The following NPEPPS variants were observed in gnomAD, a reference collection of about 807,000 sequenced individuals.
The protein encoded by NPEPPS is aminopeptidase puromycin sensitive.
Under a neutral mutation model 115.5 loss-of-function variants are expected in NPEPPS, and 14 were observed. That is an observed-to-expected ratio of 0.12 (90% CI 0.08 to 0.19). The LOEUF (loss-of-function observed/expected upper bound fraction) is 0.19, where lower values mean the gene tolerates loss of function less well. Ranked by LOEUF, NPEPPS falls within the 10% of genes least tolerant of loss-of-function variation. The pLI is 1.00. For missense variants in NPEPPS, 523 were observed against 1,110.8 expected (o/e 0.47, Z 7.52); for synonymous variants, 285 against 390.6 (o/e 0.73, Z 3.19).
rs1911725422 is a variant in NPEPPS at position 47,579,463 on chromosome 17, T to C, written c.492T>C (p.Tyr164=). Residue 164 remains tyrosine (Y), a synonymous_variant, in exon 4 of 23, where the codon TAT becomes TAC. Transcript: ENST00000322157. ...TGAAAGGTTTCTATAGAAGTAAATATACTACCCCTTCTGGAGAGGTGCGCT... is the reference window on the plus strand; with the variant it reads ...TGAAAGGTTTCTATAGAAGTAAATACACTACCCCTTCTGGAGAGGTGCGCT... ...DKMKGFYRSK[Y]TTPSGEVRYA... 12 of 1,612,684 alleles carry C rather than the reference T, an allele frequency of 7.4e-6. No homozygotes were observed. Among genetic ancestry groups the C allele is most frequent in the South Asian group, 2.2e-5 (2 of 90,984 alleles).
chr17:47,596,036 C>T (rs1335515709), intron 12 of NPEPPS: 1 of 185,002 alleles, frequency 5.4e-6, no homozygotes, highest in Non-Finnish European at 1.1e-5. Context: ...ACCTGTAGTC[C>T]CAGCTACTCA....
At chr17:47,524,146 A>C (rs1310887001) in intron 1 of NPEPPS, among the ~76,000 whole-genome samples, 1 of 151,762 alleles carries the variant, frequency 6.6e-6, no homozygotes, top group East Asian at 1.9e-4. Context: ...TCTCTACTAA[A>C]AATACAAAAA....
chr17:47,572,697 A>G (rs1478678046), intron 3 of NPEPPS, among the ~76,000 whole-genome samples: 1 of 152,210 alleles, frequency 6.6e-6, no homozygotes, highest in Non-Finnish European at 1.5e-5. Context: ...TAGAAAACAG[A>G]AAAATAGATT....
intron 2 of NPEPPS, among the ~76,000 whole-genome samples, chr17:47,549,973 C>T: frequency 6.7e-6 from 1 of 148,564 alleles, no homozygotes; most frequent in African/African-American, 2.5e-5. Flanking sequence ...CTCGCTCTGT[C>T]ACCCAGGCTG....
chr17:47,565,505 CAAAAAAAAAAAA>C (rs1172238090), intron 2 of NPEPPS, among the ~76,000 whole-genome samples: 2 of 64,524 alleles, frequency 3.1e-5, no homozygotes, highest in Admixed American at 3.7e-4. Context: ...GACTCCATCT[CAAAAAAAAAAAA>C]AAAAAAAAAA....
At chr17:47,608,410 C>T (rs550405609) in intron 17 of NPEPPS, among the ~76,000 whole-genome samples, 5 of 148,232 alleles carry the variant, frequency 3.4e-5, no homozygotes, top group East Asian at 2.0e-4. Flanking sequence ...GCCGAGATTG[C>T]GCCATTGCGC....
intron 12 of NPEPPS, 154 bp downstream of exon 12, chr17:47,592,699 T>C: frequency 1.6e-6 from 1 of 620,448 alleles, no homozygotes; most frequent in Non-Finnish European, 2.7e-6. Flanking sequence ...TGAATATCTC[T>C]AATCTCAAAA....
chr17:47,561,103 A>G (rs1472261436), intron 2 of NPEPPS, among the ~76,000 whole-genome samples: 1 of 152,214 alleles, frequency 6.6e-6, no homozygotes, highest in Non-Finnish European at 1.5e-5. Context: ...ATAAGCAATA[A>G]TGATTTCGGC....
At chr17:47,536,110 C>CAGGCGTGAGCCACCGTGCCCA (rs1285554590) in intron 1 of NPEPPS, among the ~76,000 whole-genome samples, 1 of 152,058 alleles carries the variant, frequency 6.6e-6, no homozygotes, top group Admixed American at 6.5e-5. Context: ...GTTGGGATTA[C>CAGGCGTGAGCCACCGTGCCCA]AGGCGTGAGC....
At position 47,621,801 on chromosome 17, in the gene NPEPPS, G is replaced by C; in HGVS notation, c.2641G>C (p.Glu881Gln). Residue 881 changes from glutamate to glutamine, a missense_variant, in exon 23 of 23, where the codon GAG becomes CAG. By Grantham distance (29) the Glu-to-Gln change is conservative. Around this residue, in one of 4 missense-constraint regions of NPEPPS, gnomAD observed 372 missense variants for 542.6 expected, o/e 0.69. Coordinates refer to ENST00000322157, the MANE Select transcript of NPEPPS (RefSeq NM_006310.4). ...CGAGAGTCACCCAGCTCCTTCAGCT[G>C]AGCGTACCATCCAGCAGTGTTGTGA... ...FFESHPAPSA[E>Q]RTIQQCCENI... is the part of the protein sequence containing the mutation. 3 of 1,612,978 alleles carry C rather than the reference G, an allele frequency of 1.9e-6. No individual in the cohort carries two copies. The highest frequency in any genetic ancestry group is 2.5e-6 in the Non-Finnish European group (3 of 1,179,068).
At chr17:47,588,564 C>CA (rs143068684) in intron 9 of NPEPPS, among the ~76,000 whole-genome samples, 124 of 132,682 alleles carry the variant, frequency 9.3e-4, no homozygotes, top group East Asian at 6.2e-3. Flanking sequence ...AACTCCATCT[C>CA]AAAAAAAAAA....
At chr17:47,575,558 T>A (rs1174619752) in intron 3 of NPEPPS, among the ~76,000 whole-genome samples, 20 of 149,128 alleles carry the variant, frequency 1.3e-4, no homozygotes, top group Non-Finnish European at 2.5e-4. Flanking sequence ...AGAAAAATTA[T>A]CTTGCAGGTG....
chr17:47,532,901 CTGTT>C (rs973135747), intron 1 of NPEPPS, among the ~76,000 whole-genome samples: 15 of 152,020 alleles, frequency 9.9e-5, no homozygotes, highest in Admixed American at 2.0e-4. Context: ...AAAATGGGAA[CTGTT>C]TGATAGTTAT....
intron 5 of NPEPPS, among the ~76,000 whole-genome samples, chr17:47,583,138 A>G (rs1041134742): frequency 4.0e-5 from 6 of 151,370 alleles, no homozygotes; most frequent in African/African-American, 1.5e-4. Context: ...ATGAGCCACC[A>G]TGCCCAGCCA....
chr17:47,578,077 C>G (rs1213723294), intron 3 of NPEPPS, among the ~76,000 whole-genome samples: 1 of 151,760 alleles, frequency 6.6e-6, no homozygotes, highest in African/African-American at 2.4e-5. Flanking sequence ...TGGTGATGCC[C>G]GCCTGTAGTC....
chr17:47,590,408 C>T (rs1912428525), intron 9 of NPEPPS, among the ~76,000 whole-genome samples: 1 of 151,194 alleles, frequency 6.6e-6, no homozygotes, highest in Non-Finnish European at 1.5e-5. Context: ...TCTGTAATCC[C>T]AGCTACTGGT....
chr17:47,551,024 C>T lies in NPEPPS; in HGVS notation c.340+5031C>T, dbSNP rs534956360. On this transcript the variant is annotated intron_variant, in intron 2 of 22. Coordinates refer to ENST00000322157, the MANE Select transcript of NPEPPS (RefSeq NM_006310.4). ...GACTATTTAGCTTTGTTACAGAAGTCAGTATCAGTTTCTTGTTATAAGACA... is the reference window on the plus strand; with the variant it reads ...GACTATTTAGCTTTGTTACAGAAGTTAGTATCAGTTTCTTGTTATAAGACA... Among the ~76,000 whole-genome samples the T allele has an allele frequency of 2.6e-3, 400 of 152,304 alleles. 1 individual carries two copies. The highest frequency in any genetic ancestry group is 4.1e-3 in the Non-Finnish European group (276 of 68,028).
rs1239328687 is a variant in NPEPPS at position 47,547,214 on chromosome 17, T to C, written c.340+1221T>C. On this transcript the variant is annotated intron_variant, in intron 2 of 22. Coordinates refer to ENST00000322157, the MANE Select transcript of NPEPPS (RefSeq NM_006310.4). Reference sequence around the variant, plus strand: ...AGTGTCTATAAAATGAGAACTGTTTTAGACCTTATAATTTTAGTATGAAAG... The same window carrying C: ...AGTGTCTATAAAATGAGAACTGTTTCAGACCTTATAATTTTAGTATGAAAG... Among the ~76,000 whole-genome samples the C allele has an allele frequency of 2.6e-5, 4 of 152,210 alleles. No homozygotes were observed. The East Asian group carries it at 7.7e-4, about 29-fold the overall frequency.
intron 18 of NPEPPS, among the ~76,000 whole-genome samples, chr17:47,613,170 T>C (rs1449593080): frequency 6.6e-6 from 1 of 152,078 alleles, no homozygotes; most frequent in Admixed American, 6.6e-5. Flanking sequence ...GCTCTGCTGG[T>C]ACAACATGCC....
Sources: allele counts gnomAD v4.1 joint callset (sites outside exome capture counted in the v4.1 genomes callset), GRCh38; gene constraint gnomAD v4.1.1; regional missense constraint gnomAD v4.1.1; transcripts MANE v1.5; gene names NCBI Gene and HGNC (gene_info 2026-07-23, HGNC 2026-07-21).